TRIQK: variants seen among roughly 807,000 people sequenced by gnomAD.
The protein encoded by TRIQK is triple QxxK/R motif-containing protein.
Under a neutral mutation model 10.8 loss-of-function variants are expected in TRIQK, and 10 were observed. The ratio of observed to expected loss-of-function variants is 0.92; its 90% CI spans 0.57 to 1.57. TRIQK has a LOEUF of 1.57. TRIQK is among the 40% of genes most tolerant of loss of function. The pLI is 0.00. For missense variants in TRIQK, 107 were observed against 97.7 expected (o/e 1.09, Z -0.40); for synonymous variants, 33 against 33.7 (o/e 0.98, Z 0.07).
At chr8:92,905,311 G>A (rs895640255) in intron 3 of TRIQK, among the ~76,000 whole-genome samples, 2 of 152,068 alleles carry the variant, frequency 1.3e-5, no homozygotes, top group Non-Finnish European at 2.9e-5. Context: ...ATGATGTTCA[G>A]TAGAAGCAAA....
intron 2 of TRIQK, among the ~76,000 whole-genome samples, chr8:92,933,498 C>T (rs1053270980): frequency 1.3e-5 from 2 of 151,998 alleles, no homozygotes; most frequent in African/African-American, 4.8e-5. Context: ...CACGCTATGG[C>T]AAGGAAAATG....
intron 3 of TRIQK, among the ~76,000 whole-genome samples, chr8:92,905,186 C>A (rs940331936): frequency 6.6e-6 from 1 of 151,670 alleles, no homozygotes; most frequent in African/African-American, 2.4e-5. Context: ...TATAACTGTC[C>A]AAAATCAGGA....
chr8:92,943,568 T>C (rs991033049), intron 2 of TRIQK, among the ~76,000 whole-genome samples: 1 of 152,146 alleles, frequency 6.6e-6, no homozygotes, highest in Non-Finnish European at 1.5e-5. Context: ...GAACACAGAA[T>C]AGAAAAAGAA....
At chr8:92,925,012 G>T (rs552176258) in intron 2 of TRIQK, among the ~76,000 whole-genome samples, 3 of 152,074 alleles carry the variant, frequency 2.0e-5, no homozygotes, top group African/African-American at 7.2e-5. Context: ...CTGATCACTT[G>T]CCAACATTGA....
chr8:92,974,347 C>T (rs1200098341), intron 1 of TRIQK: 1 of 152,256 alleles, frequency 6.6e-6, no homozygotes, highest in Non-Finnish European at 1.5e-5. Context: ...GCTCCCACCT[C>T]AAACCAATCC....
chr8:92,927,765 T>C (rs1422294581), intron 2 of TRIQK, among the ~76,000 whole-genome samples: 2 of 152,120 alleles, frequency 1.3e-5, no homozygotes, highest in African/African-American at 4.8e-5. Flanking sequence ...TGGATGTCCA[T>C]AGATAAACAG....
chr8:92,936,849 G>A (rs1221700440), intron 2 of TRIQK, among the ~76,000 whole-genome samples: 1 of 151,566 alleles, frequency 6.6e-6, no homozygotes, highest in African/African-American at 2.4e-5. Flanking sequence ...ATTTAGTATA[G>A]CAACAAAATC....
At chr8:92,977,460 C>T (rs1400445041) in intron 1 of TRIQK, among the ~76,000 whole-genome samples, 7 of 151,926 alleles carry the variant, frequency 4.6e-5, no homozygotes, top group Non-Finnish European at 1.0e-4. Flanking sequence ...CCATCTAGTA[C>T]ATTTTTAATC....
At chr8:92,967,900 A>G (rs1038317651), upstream of TRIQK, among the ~76,000 whole-genome samples, 1 of 151,642 alleles carries the variant, frequency 6.6e-6, no homozygotes, top group African/African-American at 2.4e-5. Flanking sequence ...ATATAAATAA[A>G]TGCTGTAAGA....
At chr8:92,893,050 T>C (rs1816841164) in intron 3 of TRIQK, among the ~76,000 whole-genome samples, 1 of 152,014 alleles carries the variant, frequency 6.6e-6, no homozygotes, top group Non-Finnish European at 1.5e-5. Context: ...TTCCTTTCGA[T>C]GACCAGTTCC....
rs533814938 is a variant in TRIQK at position 92,929,243 on chromosome 8, G to A, written c.-21-12233C>T. ...TCAGGTGGCTAGTGGACCATACTTG[G>A]CAAATATTGCGTTAGACAGATGGTA... On this transcript the variant is annotated intron_variant, in intron 2 of 4. Coordinates refer to ENST00000521988, the MANE Select transcript of TRIQK (RefSeq NM_001171797.2). 1.6e-3 allele frequency among the ~76,000 whole-genome samples: 239 copies of A among 152,236 alleles called. 1 individual carries two copies. The highest frequency in any genetic ancestry group is 5.0e-3 in the African/African-American group (207 of 41,542).
At chr8:92,986,511 C>T (rs542591312) in intron 1 of TRIQK, among the ~76,000 whole-genome samples, 8 of 152,188 alleles carry the variant, frequency 5.3e-5, no homozygotes, top group African/African-American at 1.7e-4. Flanking sequence ...ACTTAATTTA[C>T]CATGAGAATT....
intron 3 of TRIQK, among the ~76,000 whole-genome samples, chr8:92,910,888 C>T (rs1208578392): frequency 6.6e-6 from 1 of 151,094 alleles, no homozygotes; most frequent in Admixed American, 6.6e-5. Flanking sequence ...TATTTTAATT[C>T]TCATTTTTCA....
At chr8:92,996,617 A>AAT in intron 1 of TRIQK, among the ~76,000 whole-genome samples, 1 of 152,150 alleles carries the variant, frequency 6.6e-6, no homozygotes, top group South Asian at 2.1e-4. Context: ...TTCTTCTTTG[A>AAT]ATATCTCAAT....
chr8:92,981,617 AATATCTATTTCT>A (rs1184685379), intron 1 of TRIQK, among the ~76,000 whole-genome samples: 8 of 151,892 alleles, frequency 5.3e-5, no homozygotes, highest in Non-Finnish European at 1.0e-4. Flanking sequence ...GTCAGTATAA[AATATCTATTTCT>A]GTCCCTTTAA....
intron 1 of TRIQK, among the ~76,000 whole-genome samples, chr8:92,991,529 A>T (rs1026964749): frequency 3.9e-5 from 6 of 152,194 alleles, no homozygotes; most frequent in African/African-American, 1.2e-4. Flanking sequence ...GCTATTAATG[A>T]CAAACCCACA....
At chr8:92,958,840 A>T (rs1169135988) in intron 1 of TRIQK, among the ~76,000 whole-genome samples, 1 of 152,048 alleles carries the variant, frequency 6.6e-6, no homozygotes, top group African/African-American at 2.4e-5. Flanking sequence ...CAATGTGACT[A>T]TGATTTTAGT....
At chr8:92,886,834 G>T in intron 4 of TRIQK, 99 bp from the exon 5 acceptor site, 1 of 689,378 alleles carries the variant, frequency 1.5e-6, no homozygotes, top group Non-Finnish European at 2.4e-6. Context: ...CCACAGTCTA[G>T]AATGAATAAT....
intron 3 of TRIQK, among the ~76,000 whole-genome samples, chr8:92,898,409 T>C (rs1413305431): frequency 2.0e-5 from 3 of 152,138 alleles, no homozygotes; most frequent in Non-Finnish European, 2.9e-5. Context: ...ACCACAAAGA[T>C]TGCAGATATT....
Sources: gnomAD v4.1 joint callset for allele counts (sites outside exome capture counted in the v4.1 genomes callset) on GRCh38, gnomAD v4.1.1 for gene constraint, MANE v1.5 for transcripts, NCBI Gene and HGNC (gene_info 2026-07-23, HGNC 2026-07-21) for gene names.